The following ST18 variants were observed in gnomAD, a reference collection of about 807,000 sequenced individuals.
ST18 encodes the protein ST18 C2H2C-type zinc finger transcription factor.
Under a neutral mutation model 110.0 loss-of-function variants are expected in ST18, and 50 were observed. That is an observed-to-expected ratio of 0.45 (90% CI 0.36 to 0.58). The LOEUF (loss-of-function observed/expected upper bound fraction) is 0.58. ST18 is among the 20% of genes least tolerant of loss of function. The pLI is 0.00. For missense variants in ST18, 1,306 were observed against 1,280.1 expected (o/e 1.02, Z -0.31); for synonymous variants, 461 against 452.4 (o/e 1.02, Z -0.24).
At chr8:52,321,738 T>A (rs763124677) in intron 2 of ST18, among the ~76,000 whole-genome samples, 5 of 152,240 alleles carry the variant, frequency 3.3e-5, no homozygotes, top group South Asian at 2.1e-4. Context: ...AGTTTTTAAG[T>A]AATTAAGTCA....
chr8:52,300,726 G>T (rs4625054), intron 2 of ST18, among the ~76,000 whole-genome samples: 1 of 151,996 alleles, frequency 6.6e-6, no homozygotes, highest in African/African-American at 2.4e-5. Context: ...ATTCATTTAC[G>T]TCCTGTCACT....
chr8:52,195,438 A>T (rs2075899954), intron 8 of ST18, among the ~76,000 whole-genome samples: 1 of 152,090 alleles, frequency 6.6e-6, no homozygotes, highest in African/African-American at 2.4e-5. Flanking sequence ...AAACAGTGTT[A>T]TAAAACTTAA....
At chr8:52,252,573 G>T (rs78664752) in intron 2 of ST18, among the ~76,000 whole-genome samples, 1 of 151,474 alleles carries the variant, frequency 6.6e-6, no homozygotes, top group Non-Finnish European at 1.5e-5. Flanking sequence ...ACTTTGAAAC[G>T]TTTTAAATAC....
chr8:52,341,355 A>G (rs1411123002), intron 2 of ST18, among the ~76,000 whole-genome samples: 1 of 152,216 alleles, frequency 6.6e-6, no homozygotes, highest in Admixed American at 6.5e-5. Flanking sequence ...TAAGACACTG[A>G]AGGAAAGAAT....
intron 2 of ST18, among the ~76,000 whole-genome samples, chr8:52,347,430 C>T (rs890894396): frequency 3.3e-5 from 5 of 151,966 alleles, no homozygotes; most frequent in Non-Finnish European, 7.4e-5. Context: ...TAGAGAATGG[C>T]GTTATTGATA....
chr8:52,386,138 A>G (rs1836645444), intron 2 of ST18, among the ~76,000 whole-genome samples: 1 of 152,222 alleles, frequency 6.6e-6, no homozygotes, highest in Non-Finnish European at 1.5e-5. Flanking sequence ...CCATCCAATG[A>G]GAAGGGATTG....
At position 52,166,761 on chromosome 8, in the gene ST18, AT is replaced by A. The variant is rs1368434330; in HGVS notation, c.1204+90del. 21 of 1,373,970 alleles carry A rather than the reference AT, an allele frequency of 1.5e-5. No individual in the cohort carries two copies. The East Asian group carries it at 3.9e-4, about 25-fold the overall frequency. 85.1% of individuals were successfully genotyped at this position (1,373,970 alleles called of 1,614,324 possible). ...ACATAGTTTAAAAAAGTTTGTTTCC[AT>A]TCCTAATTCCAAATTGGGAGACAAA... is the stretch of plus-strand genomic sequence containing the variant. On this transcript the variant is annotated intron_variant, in intron 11 of 25. Coordinates refer to ENST00000689386, the MANE Select transcript of ST18 (RefSeq NM_001352837.2).
chr8:52,354,906 A>T (rs562171293), intron 2 of ST18, among the ~76,000 whole-genome samples: 3 of 152,258 alleles, frequency 2.0e-5, no homozygotes, highest in Admixed American at 2.0e-4. Context: ...ATACTTGAAC[A>T]TTATAAATCA....
intron 2 of ST18, among the ~76,000 whole-genome samples, chr8:52,266,355 T>C (rs2094868416): frequency 2.0e-5 from 3 of 152,014 alleles, no homozygotes; most frequent in Admixed American, 6.5e-5. Flanking sequence ...AAACTGGAGA[T>C]GTTGTTTTGT....
rs143092384 is a variant in ST18, at chr8:52,329,023, G to A, written c.-465+80305C>T. 3.9e-4 allele frequency among the ~76,000 whole-genome samples: 60 copies of A among 152,186 alleles called. No homozygotes were observed. The Middle Eastern group carries it at 0.01, about 26-fold the overall frequency. On this transcript the variant is annotated intron_variant, in intron 2 of 25. Coordinates refer to ENST00000689386, the MANE Select transcript of ST18 (RefSeq NM_001352837.2). ...CTAACATCACCTTTTGTGCCCTGAG[G>A]ATTCATTTATTTCAGTTCATTTTAA...
chr8:52,170,121 C>T (rs2064308307), intron 10 of ST18, among the ~76,000 whole-genome samples: 2 of 152,108 alleles, frequency 1.3e-5, no homozygotes, highest in South Asian at 2.1e-4. Context: ...ATTTTGTGTG[C>T]TACTTAGAAA....
At chr8:52,302,680 C>T (rs922645966) in intron 2 of ST18, among the ~76,000 whole-genome samples, 19 of 152,280 alleles carry the variant, frequency 1.2e-4, no homozygotes, top group African/African-American at 4.6e-4. Context: ...CAAAAGGACA[C>T]GAAGCCAGCT....
At chr8:52,247,073 T>C (rs1191762182) in intron 2 of ST18, among the ~76,000 whole-genome samples, 1 of 152,154 alleles carries the variant, frequency 6.6e-6, no homozygotes, top group Admixed American at 6.6e-5. Flanking sequence ...ATAGCTCCTC[T>C]TAGATGGGGA....
chr8:52,212,186 C>G, intron 7 of ST18, 77 bp from the exon 8 acceptor site: 1 of 1,421,092 alleles, frequency 7.0e-7, no homozygotes. Context: ...AACTTTTCCC[C>G]CACCTAGAGG....
In ST18 at chr8:52,374,592, A is replaced by G. The variant is rs28759246; in HGVS notation, c.-465+34736T>C. ...ATGTACAGGTTTGTTACATAGGTAAATGTGTGCCACAGTGGTTTGCTGCAC... is the reference window on the plus strand; with the variant it reads ...ATGTACAGGTTTGTTACATAGGTAAGTGTGTGCCACAGTGGTTTGCTGCAC... On this transcript the variant is annotated intron_variant, in intron 2 of 25. Transcript: ENST00000689386. Among the ~76,000 whole-genome samples the G allele has an allele frequency of 3.9e-3, 589 of 152,000 alleles. 5 individuals are homozygous for G. The highest frequency in any genetic ancestry group is 0.013 in the African/African-American group (547 of 41,438).
chr8:52,317,869 G>A (rs549313741), intron 2 of ST18, among the ~76,000 whole-genome samples: 9 of 152,218 alleles, frequency 5.9e-5, no homozygotes, highest in East Asian at 1.9e-4. Flanking sequence ...GAAATATTAC[G>A]TGGAATATTT....
intron 2 of ST18, among the ~76,000 whole-genome samples, chr8:52,283,487 G>A (rs542955055): frequency 6.6e-6 from 1 of 152,254 alleles, no homozygotes; most frequent in South Asian, 2.1e-4. Flanking sequence ...AGTGAGACAG[G>A]AAGAAAATGA....
intron 2 of ST18, among the ~76,000 whole-genome samples, chr8:52,277,683 G>A (rs2095300548): frequency 6.6e-6 from 1 of 152,142 alleles, no homozygotes; most frequent in African/African-American, 2.4e-5. Flanking sequence ...AACAAACTTA[G>A]TAGATGCTTA....
chr8:52,125,588 T>G (rs1401643284), intron 23 of ST18, among the ~76,000 whole-genome samples: 1 of 152,062 alleles, frequency 6.6e-6, no homozygotes, highest in African/African-American at 2.4e-5. Context: ...GGGCTCCTGG[T>G]CTCTACAATC....
Sources: gnomAD v4.1 joint callset for allele counts (sites outside exome capture counted in the v4.1 genomes callset) on GRCh38, gnomAD v4.1.1 for gene constraint, MANE v1.5 for transcripts, NCBI Gene and HGNC (gene_info 2026-07-23, HGNC 2026-07-21) for gene names.